MT1X: variants seen among roughly 807,000 people sequenced by gnomAD.
MT1X encodes metallothionein 1X.
Under a neutral mutation model 8.6 loss-of-function variants are expected in MT1X, and 7 were observed. That is an observed-to-expected ratio of 0.81 (90% confidence interval 0.46 to 1.52). The LOEUF is 1.52. Ranked by LOEUF, MT1X falls within the 40% of genes most tolerant of loss-of-function variation. The pLI, the probability that MT1X is intolerant of heterozygous loss-of-function variation, is 0.01. For synonymous variants in MT1X, 25 were observed against 27.6 expected (o/e 0.91, Z 0.30); for missense variants, 72 against 74.3 (o/e 0.97, Z 0.11).
At position 56,683,129 on chromosome 16, in the gene MT1X, C is replaced by T. The variant is rs768231468; in HGVS notation, c.29-36C>T. 3.2e-5 allele frequency: 51 copies of T among 1,612,482 alleles called. No individual in the cohort carries two copies. The Admixed American group carries it at 8.3e-4, about 26-fold the overall frequency. ...ACCAGCTGCTGTACCTTCTGCATCT[C>T]ACTCCACGCTCACTGCCTTTTTCTC... On this transcript the variant is annotated intron_variant, in intron 1 of 2. Coordinates refer to ENST00000394485, the MANE Select transcript of MT1X (RefSeq NM_005952.4).
chr16:56,683,133 C>G (rs558227840), intron 1 of MT1X, 32 bp from the exon 2 acceptor site: 6 of 1,613,100 alleles, frequency 3.7e-6, no homozygotes, highest in East Asian at 4.5e-5. Flanking sequence ...GCATCTCACT[C>G]CACGCTCACT....
Position 56,683,967 on chromosome 16 carries a change from CCTG to C in MT1X, c.109_111del (p.Cys37del). ...TCCCCTTCTTCTCCAGGCTGCTGCT[CCTG>C]CTGCCCTGTGGGCTGTGCCAAGTGT... On this transcript the variant is annotated inframe_deletion, in exon 3 of 3. Coordinates refer to ENST00000394485, the MANE Select transcript of MT1X (RefSeq NM_005952.4). The C allele has an allele frequency of 6.2e-7, 1 of 1,614,158 alleles. No homozygotes were observed. Among genetic ancestry groups the C allele is most frequent in the Non-Finnish European group, 8.5e-7 (1 of 1,180,000 alleles).
At chr16:56,682,870 G>A (rs1344512293) in intron 1 of MT1X, 15 of 591,044 alleles carry the variant, frequency 2.5e-5, no homozygotes, top group Non-Finnish European at 3.0e-5. Flanking sequence ...GATGGGAAGT[G>A]GGGGGCCATT....
intron 2 of MT1X, 51 bp downstream of exon 2, chr16:56,683,281 A>G (rs750793871): frequency 1.2e-6 from 2 of 1,608,170 alleles, no homozygotes; most frequent in South Asian, 1.1e-5. Context: ...AAGTTAGAGC[A>G]GGGAACCCAG....
chr16:56,683,496 C>T (rs1248614959), intron 2 of MT1X: 2 of 463,148 alleles, frequency 4.3e-6, no homozygotes, highest in Non-Finnish European at 7.9e-6. Flanking sequence ...CCTCCTGATG[C>T]AGCCTTCTTC....
At chr16:56,682,865 G>A (rs1961017673) in intron 1 of MT1X, 3 of 591,910 alleles carry the variant, frequency 5.1e-6, no homozygotes, top group Non-Finnish European at 8.9e-6. Flanking sequence ...GGGTGGATGG[G>A]AAGTGGGGGG....
At chr16:56,682,730 C>T in intron 1 of MT1X, 162 bp downstream of exon 1, 1 of 827,928 alleles carries the variant, frequency 1.2e-6, no homozygotes, top group East Asian at 2.5e-5. Flanking sequence ...CCACTTCTCG[C>T]CTCCCTGTGC....
chr16:56,682,710 G>C, intron 1 of MT1X, 142 bp downstream of exon 1: 2 of 1,061,124 alleles, frequency 1.9e-6, no homozygotes, highest in Non-Finnish European at 2.8e-6. Flanking sequence ...TCCCGATCAC[G>C]TCCCTGAGAC....
Position 56,684,018 on chromosome 16 carries a change from GGACGTCAGACAAGTGCAGCTGCTGTGCCT to G in MT1X, c.158_186del (p.Thr53MetfsTer10). ...TGTGCCCAGGGCTGCATCTGCAAAG[GGACGTCAGACAAGTGCAGCTGCTGTGCCT>G]GATGCCAGGACAGCTGTGCTCTCAG... On this transcript the variant is annotated frameshift_variant and stop_lost, in exon 3 of 3. Transcript: ENST00000394485. LOFTEE classifies it high-confidence loss of function. The G allele has an allele frequency of 6.2e-7, 1 of 1,614,154 alleles. No individual in the cohort carries two copies. Among genetic ancestry groups the G allele is most frequent in the East Asian group, 2.2e-5 (1 of 44,886 alleles).
Position 56,684,103 on chromosome 16 carries a change from A to ATTTTTTTTTTTTTTT in MT1X, c.*60_*74dup. 2 of 1,276,056 alleles carry ATTTTTTTTTTTTTTT rather than the reference A, an allele frequency of 1.6e-6. No individual in the cohort carries two copies. Among genetic ancestry groups the ATTTTTTTTTTTTTTT allele is most frequent in the Non-Finnish European group, 2.1e-6 (2 of 959,662 alleles). 79.0% of individuals were successfully genotyped at this position (1,276,056 alleles called of 1,614,324 possible). A position where few individuals can be genotyped will look rare whatever the true frequency, so the allele number is the denominator to read the frequency against. Reference sequence around the variant, plus strand: ...AATAGAGCAACCTATATAAACCTGGATTTTTTTTTTTTTTTTTTTTGTACA... The same window carrying ATTTTTTTTTTTTTTT: ...AATAGAGCAACCTATATAAACCTGGATTTTTTTTTTTTTTTTTTTTTTTTTTTTTTTTTTTGTACA... On this transcript the variant is annotated 3_prime_UTR_variant, in exon 3 of 3. Coordinates refer to ENST00000394485, the MANE Select transcript of MT1X (RefSeq NM_005952.4).
rs1331174682 is a variant in MT1X at position 56,682,476 on chromosome 16, C to T, written c.-65C>T. 6.3e-7 allele frequency: 1 copy of T among 1,599,614 alleles called. No individual in the cohort carries two copies. Among genetic ancestry groups the T allele is most frequent in the Non-Finnish European group, 8.6e-7 (1 of 1,167,114 alleles). ...CCGCCGGCTTCTGGGCTCCACCACGCTTTTCATCTGTCCCGCTGCGTGTTT... is the reference window on the plus strand; with the variant it reads ...CCGCCGGCTTCTGGGCTCCACCACGTTTTTCATCTGTCCCGCTGCGTGTTT... On this transcript the variant is annotated 5_prime_UTR_variant, in exon 1 of 3. Coordinates refer to ENST00000394485, the MANE Select transcript of MT1X (RefSeq NM_005952.4).
intron 2 of MT1X, chr16:56,683,661 G>A: frequency 4.6e-6 from 2 of 434,014 alleles, no homozygotes; most frequent in South Asian, 2.8e-5. Flanking sequence ...CTGTCCGGCT[G>A]TGAAGACTTT....
intron 2 of MT1X, 96 bp from the exon 3 acceptor site, chr16:56,683,862 T>A: frequency 6.5e-7 from 1 of 1,537,686 alleles, no homozygotes; most frequent in South Asian, 1.1e-5. Flanking sequence ...GATGGTCCTC[T>A]GGGGCTGGAG....
intron 2 of MT1X, chr16:56,683,499 C>T (rs1360526723): frequency 1.8e-5 from 8 of 453,988 alleles, no homozygotes; most frequent in South Asian, 8.9e-5. Flanking sequence ...CCTGATGCAG[C>T]CTTCTTCACC....
chr16:56,682,550 A>G lies in MT1X; in HGVS notation c.10A>G (p.Asn4Asp). The G allele has an allele frequency of 1.2e-6, 2 of 1,614,146 alleles. No homozygotes were observed. The highest frequency in any genetic ancestry group is 1.7e-6 in the Non-Finnish European group (2 of 1,180,020). Reference protein sequence around the residue: MDPNCSCSPVGSCA... With the variant: MDPDCSCSPVGSCA... ...TTCTCCTTGCCTCGAAATGGACCCC[A>G]ACTGCTCCTGCTCGCCTGGTAAGGG... The change falls in exon 1 of 3, where the codon AAC becomes GAC. Residue 4 changes from asparagine to aspartate, a missense_variant. Transcript: ENST00000394485.
intron 1 of MT1X, 147 bp downstream of exon 1, chr16:56,682,715 T>A: frequency 1.0e-6 from 1 of 1,000,086 alleles, no homozygotes; most frequent in Non-Finnish European, 1.5e-6. Flanking sequence ...ATCACGTCCC[T>A]GAGACCACTT....
At chr16:56,683,137 G>C in intron 1 of MT1X, 28 bp from the exon 2 acceptor site, 1 of 1,613,262 alleles carries the variant, frequency 6.2e-7, no homozygotes, top group East Asian at 2.2e-5. Flanking sequence ...CTCACTCCAC[G>C]CTCACTGCCT....
intron 2 of MT1X, 186 bp downstream of exon 2, chr16:56,683,416 G>GA: frequency 3.2e-6 from 2 of 628,416 alleles, no homozygotes; most frequent in Non-Finnish European, 5.4e-6. Flanking sequence ...TACCAAACTA[G>GA]AAACTGAGGC....
Position 56,683,978 on chromosome 16 carries a change from G to T in MT1X, c.115G>T (p.Val39Leu). ...CKKSCCSCCP[V>L]GCAKCAQGCI... ...TCCAGGCTGCTGCTCCTGCTGCCCT[G>T]TGGGCTGTGCCAAGTGTGCCCAGGG... Residue 39 changes from valine to leucine, a missense_variant, in exon 3 of 3, where the codon GTG becomes TTG. Val to Leu is a conservative substitution (Grantham distance 32, BLOSUM62 1). Transcript: ENST00000394485. The T allele has an allele frequency of 6.2e-7, 1 of 1,614,168 alleles. No homozygotes were observed. The highest frequency in any genetic ancestry group is 8.5e-7 in the Non-Finnish European group (1 of 1,180,004).
Sources: allele counts gnomAD v4.1 joint callset, GRCh38; gene constraint gnomAD v4.1.1; transcripts MANE v1.5; gene names NCBI Gene and HGNC (gene_info 2026-07-23, HGNC 2026-07-21).